ANGPT1: variants seen among roughly 807,000 people sequenced by gnomAD.
ANGPT1 encodes angiopoietin 1.
A neutral mutation model predicts 62.2 loss-of-function variants in ANGPT1; 17 were observed. That is an observed-to-expected ratio of 0.27 (90% CI 0.19 to 0.41). The LOEUF (loss-of-function observed/expected upper bound fraction) is 0.41, where lower values mean the gene tolerates loss of function less well. Among genes scored for constraint, ANGPT1 ranks in the 10% least tolerant of loss-of-function variants. ANGPT1 has a pLI of 1.00. For missense variants in ANGPT1, 478 were observed against 594.9 expected (o/e 0.80, Z 2.04); for synonymous variants, 199 against 198.9 (o/e 1.00, Z 0.00).
At chr8:107,311,649 A>G (rs1353630417) in intron 4 of ANGPT1, among the ~76,000 whole-genome samples, 1 of 152,242 alleles carries the variant, frequency 6.6e-6, no homozygotes, top group Non-Finnish European at 1.5e-5. Flanking sequence ...TCAATTCTAC[A>G]TATTTGTACT....
intron 1 of ANGPT1, among the ~76,000 whole-genome samples, chr8:107,370,959 C>A (rs1299945124): frequency 1.0e-5 from 1 of 98,522 alleles, no homozygotes; most frequent in African/African-American, 3.2e-5. Context: ...TGCCACAAAC[C>A]TTTGATTTGT....
chr8:107,361,932 G>A (rs889224733), intron 1 of ANGPT1, among the ~76,000 whole-genome samples: 12 of 152,146 alleles, frequency 7.9e-5, no homozygotes, highest in Non-Finnish European at 1.5e-4. Flanking sequence ...GGTGGCAGAC[G>A]CCTGTAATCA....
chr8:107,404,618 C>T (rs138052076), intron 1 of ANGPT1, among the ~76,000 whole-genome samples: 44 of 152,112 alleles, frequency 2.9e-4, no homozygotes, highest in African/African-American at 6.3e-4. Context: ...TTTAGATTGT[C>T]CCCAGTACTT....
At chr8:107,352,523 G>T (rs1815955411) in intron 1 of ANGPT1, among the ~76,000 whole-genome samples, 2 of 152,018 alleles carry the variant, frequency 1.3e-5, no homozygotes, top group Non-Finnish European at 2.9e-5. Flanking sequence ...AACCCTTGCG[G>T]GCTTCAGTTT....
At chr8:107,308,629 T>G (rs2130000415) in intron 4 of ANGPT1, among the ~76,000 whole-genome samples, 1 of 152,280 alleles carries the variant, frequency 6.6e-6, no homozygotes, top group African/African-American at 2.4e-5. Context: ...ATAGAAAAGC[T>G]TATCTGACCT....
At chr8:107,317,637 T>TA (rs1815048481) in intron 4 of ANGPT1, among the ~76,000 whole-genome samples, 2 of 148,310 alleles carry the variant, frequency 1.3e-5, no homozygotes, top group African/African-American at 2.5e-5. Flanking sequence ...TATTTTTATT[T>TA]TTTTTTTTTT....
Position 107,333,829 on chromosome 8 carries a change from C to A in ANGPT1, c.575+2321G>T, listed in dbSNP as rs191135101. On this transcript the variant is annotated intron_variant, in intron 3 of 8. Coordinates refer to ENST00000517746, the MANE Select transcript of ANGPT1 (RefSeq NM_001146.5). Reference sequence around the variant, plus strand: ...GAGAATTCTATAGTAGGAAATGATACCAGATGCTGCATAAAAATCATGATG... The same window carrying A: ...GAGAATTCTATAGTAGGAAATGATAACAGATGCTGCATAAAAATCATGATG... Among the ~76,000 whole-genome samples the A allele has an allele frequency of 6.1e-3, 920 of 150,594 alleles. 11 individuals are homozygous for A. Among genetic ancestry groups the A allele is most frequent in the South Asian group, 0.016 (76 of 4,762 alleles).
At chr8:107,310,404 G>T (rs1563562376) in intron 4 of ANGPT1, among the ~76,000 whole-genome samples, 1 of 152,156 alleles carries the variant, frequency 6.6e-6, no homozygotes, top group South Asian at 2.1e-4. Context: ...TTTGAGTAAA[G>T]TGAAACCCAA....
intron 6 of ANGPT1, among the ~76,000 whole-genome samples, chr8:107,287,517 G>T (rs889756573): frequency 6.6e-6 from 1 of 152,132 alleles, no homozygotes; most frequent in South Asian, 2.1e-4. Flanking sequence ...TGAGTACAAT[G>T]AATCAAAATG....
intron 1 of ANGPT1, among the ~76,000 whole-genome samples, chr8:107,452,706 C>A (rs1464170239): frequency 2.6e-5 from 4 of 151,930 alleles, no homozygotes; most frequent in African/African-American, 9.7e-5. Flanking sequence ...TTTGCATTAA[C>A]TTGTGTCAAC....
chr8:107,384,450 CAA>C (rs5893856), intron 1 of ANGPT1, among the ~76,000 whole-genome samples: 96 of 150,758 alleles, frequency 6.4e-4, no homozygotes, highest in Admixed American at 1.2e-3. Flanking sequence ...GTGTTAATTA[CAA>C]AAAAAAAATA....
At chr8:107,411,108 T>G (rs1412267382) in intron 1 of ANGPT1, among the ~76,000 whole-genome samples, 1 of 152,150 alleles carries the variant, frequency 6.6e-6, no homozygotes, top group African/African-American at 2.4e-5. Flanking sequence ...TTTTAAAAAA[T>G]GTGTAAGAAA....
intron 6 of ANGPT1, among the ~76,000 whole-genome samples, chr8:107,293,673 T>C (rs1368432875): frequency 6.6e-6 from 1 of 152,138 alleles, no homozygotes. Context: ...CCCACCCTCA[T>C]GCAACTAGGA....
At chr8:107,478,177 A>G (rs1812583542) in intron 1 of ANGPT1, among the ~76,000 whole-genome samples, 1 of 151,394 alleles carries the variant, frequency 6.6e-6, no homozygotes, top group Admixed American at 6.6e-5. Flanking sequence ...TCAAAATTTC[A>G]TGGAGTCAAG....
At chr8:107,375,496 G>A (rs919294201) in intron 1 of ANGPT1, among the ~76,000 whole-genome samples, 1 of 152,104 alleles carries the variant, frequency 6.6e-6, no homozygotes, top group Non-Finnish European at 1.5e-5. Flanking sequence ...AAAGCCTAGT[G>A]CTGAAGTGTA....
At chr8:107,442,746 G>A (rs112533502) in intron 1 of ANGPT1, among the ~76,000 whole-genome samples, 3,655 of 152,230 alleles carry the variant, frequency 0.024, 67 homozygotes, top group Non-Finnish European at 0.035. Context: ...ACACACATGT[G>A]CACACACAAA....
chr8:107,489,857 T>C (rs1207282275), intron 1 of ANGPT1, among the ~76,000 whole-genome samples: 6 of 151,814 alleles, frequency 4.0e-5, no homozygotes, highest in Non-Finnish European at 8.8e-5. Context: ...TAATCTTGTA[T>C]TGGGACAAAA....
intron 1 of ANGPT1, among the ~76,000 whole-genome samples, chr8:107,363,483 T>G (rs964528420): frequency 6.6e-6 from 1 of 152,180 alleles, no homozygotes; most frequent in Non-Finnish European, 1.5e-5. Context: ...AAGCAGTGTT[T>G]GAGAAAGAAT....
intron 6 of ANGPT1, among the ~76,000 whole-genome samples, chr8:107,293,204 TGATGATGATGATGA>T (rs1304061484): frequency 9.2e-6 from 1 of 108,948 alleles, no homozygotes; most frequent in African/African-American, 3.2e-5. Context: ...ACTGTGATGA[TGATGATGATGATGA>T]TGATGATGAT....
Sources: gnomAD v4.1 joint callset for allele counts (sites outside exome capture counted in the v4.1 genomes callset) on GRCh38, gnomAD v4.1.1 for gene constraint, MANE v1.5 for transcripts, NCBI Gene and HGNC (gene_info 2026-07-23, HGNC 2026-07-21) for gene names.